Variants in C6orf132 observed in about 807,000 individuals in gnomAD.
The protein encoded by C6orf132 is uncharacterized protein C6orf132.
A neutral mutation model predicts 65.3 loss-of-function variants in C6orf132; 43 were observed. The observed-to-expected ratio is 0.66, with a 90% CI of 0.52 to 0.85. The LOEUF (loss-of-function observed/expected upper bound fraction) is 0.85, where lower values mean the gene tolerates loss of function less well. Ranked by LOEUF, C6orf132 falls within the 40% of genes least tolerant of loss-of-function variation. C6orf132 has a pLI of 0.00. For synonymous variants in C6orf132, 631 were observed against 654.1 expected (o/e 0.96, Z 0.54); for missense variants, 1,488 against 1,548.8 (o/e 0.96, Z 0.66).
At chr6:42,113,414 AGAGTGTGACCGGTGTCAC>A (rs1262468122) in intron 2 of C6orf132, among the ~76,000 whole-genome samples, 1 of 152,184 alleles carries the variant, frequency 6.6e-6, no homozygotes, top group Non-Finnish European at 1.5e-5. Flanking sequence ...CCCTATACTA[AGAGTGTGACCGGTGTCAC>A]CTCAAATCCC....
rs1464983372 is a variant in C6orf132, at chr6:42,105,493, G to C, written c.2419C>G (p.Pro807Ala). Residue 807 changes from proline to alanine, a missense_variant, in exon 4 of 5, where the codon CCA becomes GCA. Coordinates refer to ENST00000341865, the MANE Select transcript of C6orf132 (RefSeq NM_001164446.3). The stretch of plus-strand genomic sequence containing the variant: ...GCAGGAGGCTTGGCTGGCAGCCCTG[G>C]GGGCTCCTTCACCTCCACGGGCTCC... ...PGEPVEVKEP[P>A]GLPAKPPASA... The C allele has an allele frequency of 2.2e-5, 34 of 1,533,334 alleles. No homozygotes were observed. The highest frequency in any genetic ancestry group is 2.9e-5 in the Non-Finnish European group (33 of 1,144,940). The allele number at this position is 1,533,334 out of a possible 1,614,324, so 95.0% of individuals were successfully genotyped here. A position where few individuals can be genotyped will look rare whatever the true frequency, so the allele number is the denominator to read the frequency against.
intron 2 of C6orf132, among the ~76,000 whole-genome samples, chr6:42,128,279 G>A (rs1766797630): frequency 6.6e-6 from 1 of 152,144 alleles, no homozygotes; most frequent in South Asian, 2.1e-4. Flanking sequence ...GTCTCCTGCA[G>A]TGGGCAGGGA....
chr6:42,104,690 GC>G lies in C6orf132; in HGVS notation c.3221del (p.Gly1074AlafsTer13). 1 of 1,520,130 alleles carries G rather than the reference GC, an allele frequency of 6.6e-7. No individual in the cohort carries two copies. Among genetic ancestry groups the G allele is most frequent in the Non-Finnish European group, 8.8e-7 (1 of 1,140,450 alleles). The allele number at this position is 1,520,130 out of a possible 1,614,324, so 94.2% of individuals were successfully genotyped here. On this transcript the variant is annotated frameshift_variant, in exon 4 of 5. Coordinates refer to ENST00000341865, the MANE Select transcript of C6orf132 (RefSeq NM_001164446.3). LOFTEE classifies it high-confidence loss of function. This position sits in a 1 kb window ranked among gnomAD's most constrained non-coding sequence, Gnocchi z 4.1. ...CGGTGCCACCGTGGGGTAGCCCTGG[GC>G]CTCGGTGCGGCTCCCCGACGTACAG... ...KRLYVGEPHR[G>X]PGLPHGGTGR...
chr6:42,114,759 C>G (rs752766892), intron 2 of C6orf132, among the ~76,000 whole-genome samples: 1 of 152,156 alleles, frequency 6.6e-6, no homozygotes, highest in Non-Finnish European at 1.5e-5. Flanking sequence ...AATCCCAGCA[C>G]TTTGGGAGGC....
chr6:42,104,234 G>C lies in C6orf132; in HGVS notation c.3449+229C>G, dbSNP rs1172595496. Among the ~76,000 whole-genome samples the C allele has an allele frequency of 6.6e-6, 1 of 152,260 alleles. No individual in the cohort carries two copies. The highest frequency in any genetic ancestry group is 2.4e-5 in the African/African-American group (1 of 41,470). Reference sequence around the variant, plus strand: ...CCTCTGGGATCTAGCGGGCAGGAGAGAGACAGACGAGAGGAGCTGGTGGGG... The same window carrying C: ...CCTCTGGGATCTAGCGGGCAGGAGACAGACAGACGAGAGGAGCTGGTGGGG... On this transcript the variant is annotated intron_variant, in intron 4 of 4. Coordinates refer to ENST00000341865, the MANE Select transcript of C6orf132 (RefSeq NM_001164446.3). This position sits in a 1 kb window ranked among gnomAD's most constrained non-coding sequence, Gnocchi z 4.1.
Position 42,103,482 on chromosome 6 carries a change from GCC to G in C6orf132, c.*277_*278del. On this transcript the variant is annotated 3_prime_UTR_variant, in exon 5 of 5. Coordinates refer to ENST00000341865, the MANE Select transcript of C6orf132 (RefSeq NM_001164446.3). ...TAGTACCAGAGAGCAGAAACTCAGC[GCC>G]CAGGTCCTTAATGGTTCCTTCTCTC... 2.6e-6 allele frequency: 1 copy of G among 389,650 alleles called. No homozygotes were observed. 24.1% of individuals were successfully genotyped at this position (389,650 alleles called of 1,614,324 possible).
chr6:42,117,731 G>C (rs1287050870), intron 2 of C6orf132, among the ~76,000 whole-genome samples: 1 of 151,932 alleles, frequency 6.6e-6, no homozygotes, highest in East Asian at 1.9e-4. Context: ...AGACCAGCCT[G>C]ACCAACATGG....
Position 42,105,363 on chromosome 6 carries a change from T to A in C6orf132, c.2549A>T (p.Gln850Leu). ...GGCAGCCCCTACAGACCTTCCCTTC[T>A]GAGCCCTCTGCCTGGCCGCCAGGAG... ...ALLLAARQRA[Q>L]KGRSVGAALG... The change falls in exon 4 of 5, where the codon CAG (glutamine) becomes CTG (leucine). Residue 850 changes from glutamine (Q) to leucine (L), a missense_variant. Physicochemically the swap from Gln to Leu is moderately radical, Grantham distance 113 (BLOSUM62 -2). Transcript: ENST00000341865. The A allele has an allele frequency of 6.5e-7, 1 of 1,536,444 alleles. No homozygotes were observed. Among genetic ancestry groups the A allele is most frequent in the Non-Finnish European group, 8.7e-7 (1 of 1,146,742 alleles).
chr6:42,113,681 G>T lies in C6orf132; in HGVS notation c.253-3390C>A, dbSNP rs1043063271. ...AATACAAAAATTAGCCAGGCATGGT[G>T]GCAGGTGCCTGTAATCCCAGCTATT... is the stretch of plus-strand genomic sequence containing the variant. On this transcript the variant is annotated intron_variant, in intron 2 of 4. Coordinates refer to ENST00000341865, the MANE Select transcript of C6orf132 (RefSeq NM_001164446.3). Among the ~76,000 whole-genome samples, 9 of 152,274 alleles carry T rather than the reference G, an allele frequency of 5.9e-5. No homozygotes were observed. In the East Asian group the frequency reaches 1.5e-3, roughly 26 times the overall value.
At position 42,102,646 on chromosome 6, in the gene C6orf132, G is replaced by A. The variant is rs1766311908; in HGVS notation, c.*1115C>T. 6.5e-6 allele frequency: 1 copy of A among 152,900 alleles called. No homozygotes were observed. The highest frequency in any genetic ancestry group is 1.4e-5 in the Non-Finnish European group (1 of 69,238). 9.5% of individuals were successfully genotyped at this position (152,900 alleles called of 1,614,324 possible). On this transcript the variant is annotated 3_prime_UTR_variant, in exon 5 of 5. Coordinates refer to ENST00000341865, the MANE Select transcript of C6orf132 (RefSeq NM_001164446.3). The stretch of plus-strand genomic sequence containing the variant: ...TGGTCTCGAACTTCTGACCTCAAGT[G>A]ATCCACCGGCCTCGGCCTCCCAAAG...
At position 42,101,797 on chromosome 6, in the gene C6orf132, C is replaced by T. The variant is rs186789928; in HGVS notation, c.*1964G>A. 8.7e-5 allele frequency: 10 copies of T among 115,470 alleles called. No homozygotes were observed. Among genetic ancestry groups the T allele is most frequent in the African/African-American group, 3.5e-4 (10 of 28,652 alleles). 7.2% of individuals were successfully genotyped at this position (115,470 alleles called of 1,614,324 possible). On this transcript the variant is annotated 3_prime_UTR_variant, in exon 5 of 5. Transcript: ENST00000341865. ...ACCCTACCCCATCAGGGTGGCTGGC[C>T]TTGGTAATCTGGGCATCCACCCACC...
chr6:42,128,474 C>T (rs533655514), intron 2 of C6orf132, among the ~76,000 whole-genome samples, 198 bp downstream of exon 2: 4 of 152,202 alleles, frequency 2.6e-5, no homozygotes, highest in East Asian at 1.9e-4. Context: ...TGGCCCTGAA[C>T]GAGCTGGCAT....
chr6:42,107,721 G>A (rs1766436458), intron 3 of C6orf132, 138 bp from the exon 4 acceptor site: 2 of 1,076,786 alleles, frequency 1.9e-6, no homozygotes, highest in East Asian at 5.2e-5. Flanking sequence ...CCAAGAGAGG[G>A]AGCAGCCCTG....
chr6:42,138,658 G>C (rs140445309), intron 1 of C6orf132, among the ~76,000 whole-genome samples: 12 of 152,316 alleles, frequency 7.9e-5, no homozygotes, highest in Admixed American at 5.9e-4. Flanking sequence ...GTAGGAAAGA[G>C]AGTCCTCTAG....
At chr6:42,121,115 C>T (rs1455268177) in intron 2 of C6orf132, among the ~76,000 whole-genome samples, 2 of 152,126 alleles carry the variant, frequency 1.3e-5, no homozygotes, top group Non-Finnish European at 2.9e-5. Flanking sequence ...TGGGAATAAT[C>T]CCACCTCCCT....
At chr6:42,120,584 TA>T (rs34694221) in intron 2 of C6orf132, among the ~76,000 whole-genome samples, 78,292 of 149,508 alleles carry the variant, frequency 0.52, 20,747 homozygotes, top group Middle Eastern at 0.68. Flanking sequence ...CCTTTATAAT[TA>T]AAAAAAAAAT....
Position 42,142,583 on chromosome 6 carries a change from GCA to G in C6orf132, c.-141_-140del. 1 of 465,492 alleles carries G rather than the reference GCA, an allele frequency of 2.1e-6. No homozygotes were observed. The highest frequency in any genetic ancestry group is 3.2e-6 in the Non-Finnish European group (1 of 312,002). The allele number at this position is 465,492 out of a possible 1,614,324, so 28.8% of individuals were successfully genotyped here. A position where few individuals can be genotyped will look rare whatever the true frequency, so the allele number is the denominator to read the frequency against. ...GCCGTCCTCCCCGCCCGCGCACCGG[GCA>G]ACAGGTGCTGCGGGCGCCGCCGCTT... On this transcript the variant is annotated 5_prime_UTR_variant, in exon 1 of 5. Coordinates refer to ENST00000341865, the MANE Select transcript of C6orf132 (RefSeq NM_001164446.3).
At chr6:42,117,714 G>A in intron 2 of C6orf132, among the ~76,000 whole-genome samples, 1 of 152,050 alleles carries the variant, frequency 6.6e-6, no homozygotes, top group Admixed American at 6.5e-5. Flanking sequence ...CTGAGGTCAA[G>A]AGTTCGAGAC....
Position 42,107,375 on chromosome 6 carries a change from TTCCAGCAGCA to T in C6orf132, c.527_536del (p.Leu176HisfsTer46). The T allele has an allele frequency of 3.0e-6, 2 of 663,308 alleles. No individual in the cohort carries two copies. Among genetic ancestry groups the T allele is most frequent in the Non-Finnish European group, 4.5e-6 (2 of 446,418 alleles). 41.1% of individuals were successfully genotyped at this position (663,308 alleles called of 1,614,324 possible). The stretch of plus-strand genomic sequence containing the variant: ...GGGCCATGCTGGGCGGGGGTGGGGG[TTCCAGCAGCA>T]GGGGAGGTGGTGGGGGTGCTGTGGA... On this transcript the variant is annotated frameshift_variant, in exon 4 of 5. Coordinates refer to ENST00000341865, the MANE Select transcript of C6orf132 (RefSeq NM_001164446.3). LOFTEE classifies it high-confidence loss of function.
Sources: gnomAD v4.1 joint callset for allele counts (sites outside exome capture counted in the v4.1 genomes callset) on GRCh38, gnomAD v4.1.1 for gene constraint, Gnocchi (gnomAD v3.1) non-coding constraint, MANE v1.5 for transcripts, NCBI Gene and HGNC (gene_info 2026-07-23, HGNC 2026-07-21) for gene names.